The following ABCB8 variants were observed in gnomAD, a reference collection of about 807,000 sequenced individuals.
ABCB8 encodes the protein ATP binding cassette subfamily B member 8, also known as mitochondrial potassium channel ATP-binding subunit.
A neutral mutation model predicts 73.0 loss-of-function variants in ABCB8; 52 were observed. The observed-to-expected ratio is 0.71, with a 90% CI of 0.57 to 0.90. The LOEUF (loss-of-function observed/expected upper bound fraction) is 0.90. Among genes scored for constraint, ABCB8 ranks in the 40% least tolerant of loss-of-function variants. The pLI is 0.00. For missense variants in ABCB8, 909 were observed against 974.6 expected (o/e 0.93, Z 0.90); for synonymous variants, 428 against 423.5 (o/e 1.01, Z -0.13).
At chr7:151,039,121 G>GC (rs1346049870) in intron 9 of ABCB8, 3 of 152,226 alleles carry the variant, frequency 2.0e-5, no homozygotes, top group Admixed American at 6.5e-5. Flanking sequence ...ACAGCCCACG[G>GC]CCCCTGAGAG....
intron 2 of ABCB8, 85 bp downstream of exon 2, chr7:151,034,002 CAG>C (rs757559572): frequency 1.2e-4 from 175 of 1,446,756 alleles, no homozygotes; most frequent in Non-Finnish European, 1.5e-4. Flanking sequence ...CGCTGCCTCT[CAG>C]GGGAGAGCTC....
rs370762721 is a variant in ABCB8, at chr7:151,041,966, C to T, written c.1623C>T (p.Pro541=). The T allele has an allele frequency of 5.3e-5, 85 of 1,612,432 alleles. No individual in the cohort carries two copies. Among genetic ancestry groups the T allele is most frequent in the African/African-American group, 2.0e-4 (15 of 74,930 alleles). The part of the protein sequence containing the change: ...GQVVGFISQE[P]VLFGTTIMEN... ...CCATAACCCCTCACCCACAGGAGCC[C>T]GTCCTGTTTGGGACGACCATCATGG... The change falls in exon 14 of 16, where the codon CCC becomes CCT. Residue 541 remains proline, a synonymous_variant. Transcript: ENST00000358849.
In ABCB8 at chr7:151,041,713, C is replaced by A. The variant is rs117093208; in HGVS notation, c.1618-248C>A. On this transcript the variant is annotated intron_variant, in intron 13 of 15. Coordinates refer to ENST00000358849, the MANE Select transcript of ABCB8 (RefSeq NM_007188.5). ...AGCCCCCAACTCCCAGCGCCCTGCC[C>A]TGCCAGCTCCTCCCACTCCCACTCC... Among the ~76,000 whole-genome samples, 865 of 152,356 alleles carry A rather than the reference C, an allele frequency of 5.7e-3. 2 individuals are homozygous for A. Among genetic ancestry groups the A allele is most frequent in the Non-Finnish European group, 8.1e-3 (552 of 68,034 alleles).
chr7:151,033,894 C>T lies in ABCB8; in HGVS notation c.385C>T (p.Leu129=). 2 of 1,606,074 alleles carry T rather than the reference C, an allele frequency of 1.2e-6. No individual in the cohort carries two copies. The highest frequency in any genetic ancestry group is 1.7e-6 in the Non-Finnish European group (2 of 1,174,930). The change falls in exon 2 of 16, where the codon CTG becomes TTG. Residue 129 remains leucine, a synonymous_variant. Coordinates refer to ENST00000358849, the MANE Select transcript of ABCB8 (RefSeq NM_007188.5). ...LFWQFLHPHL[L]VLGVAVVLAL... The stretch of plus-strand genomic sequence containing the variant: ...CTGGCAGTTTCTGCACCCCCACCTG[C>T]TGGTCCTGGGGGTAGCCGTCGTGGT...
At chr7:151,033,471 A>T (rs187572438) in intron 1 of ABCB8, 134 bp from the exon 2 acceptor site, 177 of 1,446,208 alleles carry the variant, frequency 1.2e-4, no homozygotes, top group Non-Finnish European at 1.5e-4. Flanking sequence ...AACAGCCCTG[A>T]GAAGGGCAGG....
intron 14 of ABCB8, 40 bp downstream of exon 14, chr7:151,042,148 C>G: frequency 6.2e-7 from 1 of 1,606,844 alleles, no homozygotes; most frequent in Non-Finnish European, 8.5e-7. Context: ...TGGTGAGGCA[C>G]TGGGACACAG....
intron 1 of ABCB8, chr7:151,031,407 TCC>T: frequency 7.3e-7 from 1 of 1,366,918 alleles, no homozygotes. Context: ...GCACAGGCCT[TCC>T]TGAAAGCAGG....
Position 151,035,649 on chromosome 7 carries a change from G to A in ABCB8, c.834G>A (p.Thr278=), listed in dbSNP as rs531746653. ...VSLSMLSTRL[T]LLLMVATPAL... The stretch of plus-strand genomic sequence containing the variant: ...TGTCCATGCTGTCGACACGCCTCAC[G>A]CTGCTGCTGATGGTGGCCACACCAG... Residue 278 remains threonine (T), a synonymous_variant, in exon 6 of 16, where the codon ACG becomes ACA. Transcript: ENST00000358849. 58 of 1,612,696 alleles carry A rather than the reference G, an allele frequency of 3.6e-5. 2 individuals carry two copies. In the South Asian group the frequency reaches 4.8e-4, roughly 13 times the overall value.
chr7:151,035,222 A>G (rs1796270446), intron 5 of ABCB8, among the ~76,000 whole-genome samples: 1 of 152,124 alleles, frequency 6.6e-6, no homozygotes, highest in Non-Finnish European at 1.5e-5. Flanking sequence ...ATCCGCCCAC[A>G]CCGACTCTGA....
Position 151,028,609 on chromosome 7 carries a change from A to G in ABCB8, c.94A>G (p.Arg32Gly). The part of the protein sequence containing the change: ...PLRFQTFSAV[R>G]YSDGYRSSSL... ...CCGCTTCCAGACATTCTCAGCTGTC[A>G]GGTAAAAACGGAAAAACCTACTCAG... Residue 32 changes from arginine (R) to glycine (G), a missense_variant and splice_region_variant, in exon 1 of 16, where the codon AGG becomes GGG. Transcript: ENST00000358849. 2.5e-6 allele frequency: 4 copies of G among 1,613,374 alleles called. No individual in the cohort carries two copies. Among genetic ancestry groups the G allele is most frequent in the Non-Finnish European group, 3.4e-6 (4 of 1,179,970 alleles).
intron 13 of ABCB8, 98 bp from the exon 14 acceptor site, chr7:151,041,863 A>G: frequency 7.1e-7 from 1 of 1,402,602 alleles, no homozygotes; most frequent in Non-Finnish European, 9.8e-7. Flanking sequence ...AATCTAATCC[A>G]CCAGATAGAC....
At chr7:151,040,460 C>T (rs71539869) in intron 10 of ABCB8, 38 bp from the exon 11 acceptor site, 27,690 of 1,593,784 alleles carry the variant, frequency 0.017, 282 homozygotes, top group Non-Finnish European at 0.021. Context: ...GTCACCCCTA[C>T]TCCTGCCTCC....
intron 2 of ABCB8, 119 bp from the exon 3 acceptor site, chr7:151,034,154 C>A: frequency 7.7e-7 from 1 of 1,293,972 alleles, no homozygotes; most frequent in Non-Finnish European, 1.1e-6. Flanking sequence ...CATGACCAGC[C>A]ACAACCTGGA....
At chr7:151,036,962 A>G (rs956404216) in intron 9 of ABCB8, 1 of 698,068 alleles carries the variant, frequency 1.4e-6, no homozygotes, top group African/African-American at 1.7e-5. Context: ...AAAACATAAA[A>G]TACAGCATTT....
Position 151,046,267 on chromosome 7 carries a change from G to A in ABCB8, c.*918G>A, listed in dbSNP as rs765450644. The A allele has an allele frequency of 6.6e-6, 1 of 152,334 alleles. No homozygotes were observed. The highest frequency in any genetic ancestry group is 1.5e-5 in the Non-Finnish European group (1 of 68,088). 9.4% of individuals were successfully genotyped at this position (152,334 alleles called of 1,614,324 possible). A position where few individuals can be genotyped will look rare whatever the true frequency, so the allele number is the denominator to read the frequency against. Reference sequence around the variant, plus strand: ...GCTGACGAGTACAGAGCTAAATGGAGCAGCTACTGCAGAATCCAGTACAGA... The same window carrying A: ...GCTGACGAGTACAGAGCTAAATGGAACAGCTACTGCAGAATCCAGTACAGA... On this transcript the variant is annotated 3_prime_UTR_variant, in exon 16 of 16. Transcript: ENST00000358849.
At chr7:151,037,563 G>C in intron 9 of ABCB8, 1 of 546,052 alleles carries the variant, frequency 1.8e-6, no homozygotes, top group South Asian at 2.0e-5. Flanking sequence ...TAAATAATGA[G>C]ATAGTAAATA....
At chr7:151,044,580 A>G (rs532793846) in intron 15 of ABCB8, among the ~76,000 whole-genome samples, 81 of 151,390 alleles carry the variant, frequency 5.4e-4, no homozygotes, top group Non-Finnish European at 9.0e-4. Context: ...TCTACAAAAT[A>G]CCAAAAAAAA....
At chr7:151,032,385 C>T (rs1796187267) in intron 1 of ABCB8, among the ~76,000 whole-genome samples, 1 of 152,194 alleles carries the variant, frequency 6.6e-6, no homozygotes. Flanking sequence ...AGAGCACCTG[C>T]ACACAGTAGG....
chr7:151,035,501 A>T (rs1044181629), intron 5 of ABCB8, 80 bp from the exon 6 acceptor site: 4 of 1,479,066 alleles, frequency 2.7e-6, no homozygotes, highest in Non-Finnish European at 1.8e-6. Flanking sequence ...GTGCAGAGCT[A>T]CAGTCAGCTG....
Sources: gnomAD v4.1 joint callset for allele counts (sites outside exome capture counted in the v4.1 genomes callset) on GRCh38, gnomAD v4.1.1 for gene constraint, MANE v1.5 for transcripts, NCBI Gene and HGNC (gene_info 2026-07-23, HGNC 2026-07-21) for gene names.